The following ERAP1 variants were observed in gnomAD, a reference collection of about 807,000 sequenced individuals.
The protein encoded by ERAP1 is adipocyte-derived leucine aminopeptidase.
In ERAP1, 86 loss-of-function variants were observed where a neutral mutation model predicts 103.7. The observed-to-expected ratio is 0.83, with a 90% CI of 0.70 to 0.99. ERAP1 has a LOEUF of 0.99. Among genes scored for constraint, ERAP1 ranks in the 50% least tolerant of loss-of-function variants. ERAP1 has a pLI of 0.00. For missense variants in ERAP1, 1,009 were observed against 1,128.4 expected (o/e 0.89, Z 1.52); for synonymous variants, 398 against 402.4 (o/e 0.99, Z 0.13).
the ERAP1 span, among the ~76,000 whole-genome samples, chr5:96,813,105 T>C: frequency 6.6e-6 from 1 of 152,228 alleles, no homozygotes; most frequent in South Asian, 2.1e-4. Context: ...GCTACCCTGG[T>C]GCTTAGGAAT....
At chr5:96,863,124 C>T in the ERAP1 span, among the ~76,000 whole-genome samples, 9 of 151,942 alleles carry the variant, frequency 5.9e-5, no homozygotes, top group African/African-American at 2.2e-4. Context: ...TCTCTAAATC[C>T]ACCACTGTGC....
At chr5:96,782,565 G>A (rs1166692296) in intron 15 of ERAP1, among the ~76,000 whole-genome samples, 2 of 152,204 alleles carry the variant, frequency 1.3e-5, no homozygotes, top group Non-Finnish European at 2.9e-5. Flanking sequence ...CATGTAGGTT[G>A]TTGGCATAAA....
the ERAP1 span, among the ~76,000 whole-genome samples, chr5:96,847,202 C>A: frequency 1.5e-4 from 22 of 142,628 alleles, 1 homozygote; most frequent in African/African-American, 5.7e-4. Context: ...GAGCTGAGAT[C>A]ATGCCATTGC....
intron 16 of ERAP1, 146 bp downstream of exon 16, chr5:96,781,547 C>T: frequency 9.5e-7 from 1 of 1,047,316 alleles, no homozygotes; most frequent in Non-Finnish European, 1.5e-6. Context: ...AATTATTTGC[C>T]TTTCTCATTA....
At position 96,766,073 on chromosome 5, in the gene ERAP1, T is replaced by C. The variant is rs758406564; in HGVS notation, c.2819-2845A>G. On this transcript the variant is annotated intron_variant, in intron 19 of 19. Transcript: ENST00000296754. The stretch of plus-strand genomic sequence containing the variant: ...TATAGGAAAAAGCTAAAGCTGAACA[T>C]AGAGACAAGCTTGGAGAAAGAGATG... 1.5e-5 allele frequency: 24 copies of C among 1,606,064 alleles called. No homozygotes were observed. The highest frequency in any genetic ancestry group is 2.7e-5 in the African/African-American group (2 of 74,714).
chr5:96,766,620 A>G (rs1227835946), intron 19 of ERAP1, among the ~76,000 whole-genome samples: 1 of 152,164 alleles, frequency 6.6e-6, no homozygotes, highest in African/African-American at 2.4e-5. Flanking sequence ...AGGCAAAGCA[A>G]TATTCCCAAT....
At chr5:96,850,384 C>T in the ERAP1 span, among the ~76,000 whole-genome samples, 6 of 152,170 alleles carry the variant, frequency 3.9e-5, no homozygotes, top group African/African-American at 1.4e-4. Context: ...AATCAAGCTG[C>T]TCAATAATAA....
At chr5:96,887,100 T>TATATACACAC in the ERAP1 span, among the ~76,000 whole-genome samples, 2 of 137,456 alleles carry the variant, frequency 1.5e-5, no homozygotes, top group Admixed American at 7.2e-5. Context: ...TATATATATA[T>TATATACACAC]ACACACACAC....
At chr5:96,888,000 C>T in the ERAP1 span, among the ~76,000 whole-genome samples, 1 of 152,034 alleles carries the variant, frequency 6.6e-6, no homozygotes, top group Admixed American at 6.5e-5. Context: ...TGTCAGGCAC[C>T]TGTAATCCCA....
chr5:96,851,664 A>T, the ERAP1 span, among the ~76,000 whole-genome samples: 1 of 152,194 alleles, frequency 6.6e-6, no homozygotes, highest in Admixed American at 6.5e-5. Flanking sequence ...AATCCAAGAC[A>T]GGGAAAACAG....
chr5:96,768,563 T>G (rs1214359309), intron 19 of ERAP1: 1 of 343,730 alleles, frequency 2.9e-6, no homozygotes, highest in Non-Finnish European at 5.6e-6. Flanking sequence ...AAAACACTGC[T>G]TAACGTTATT....
upstream of ERAP1, among the ~76,000 whole-genome samples, chr5:96,811,983 T>TA (rs1779181954): frequency 6.6e-6 from 1 of 152,232 alleles, no homozygotes; most frequent in South Asian, 2.1e-4. Context: ...TGTATTCCTG[T>TA]TGCTTTTACC....
chr5:96,892,562 G>A, the ERAP1 span: 2 of 1,288,122 alleles, frequency 1.6e-6, no homozygotes, highest in South Asian at 1.4e-5. Flanking sequence ...CTCTAGAGGG[G>A]AACTTAGAGA....
the ERAP1 span, among the ~76,000 whole-genome samples, chr5:96,824,525 C>A: frequency 6.6e-6 from 1 of 152,292 alleles, no homozygotes; most frequent in Non-Finnish European, 1.5e-5. Flanking sequence ...TCTCCTATCT[C>A]TTTTCTCTTT....
At chr5:96,768,502 CT>C (rs553007301) in intron 19 of ERAP1, 40 of 405,816 alleles carry the variant, frequency 9.9e-5, no homozygotes, top group South Asian at 2.0e-4. Context: ...TGTGGATTTC[CT>C]TTTTTTTCTA....
At chr5:96,905,292 AT>A in the ERAP1 span, among the ~76,000 whole-genome samples, 1 of 152,220 alleles carries the variant, frequency 6.6e-6, no homozygotes, top group Admixed American at 6.5e-5. Context: ...AATGAAAAAA[AT>A]AAGTGCGAAG....
At chr5:96,921,624 T>TA in the ERAP1 span, among the ~76,000 whole-genome samples, 1 of 152,328 alleles carries the variant, frequency 6.6e-6, no homozygotes, top group South Asian at 2.1e-4. Context: ...TTTACAAATG[T>TA]ATTCTTCTTT....
intron 19 of ERAP1, chr5:96,768,529 T>C (rs1770902367): frequency 5.3e-6 from 2 of 373,926 alleles, no homozygotes; most frequent in East Asian, 1.5e-4. Flanking sequence ...ATATTTTACA[T>C]AATTATACTT....
chr5:96,896,965 T>TAAGTCATATGTTGGTTAACGATAGACTG, the ERAP1 span: 2 of 987,682 alleles, frequency 2.0e-6, no homozygotes, highest in Non-Finnish European at 2.8e-6. Context: ...GTCAACCATA[T>TAAGTCATATGTTGGTTAACGATAGACTG]TTATTCTGCT....
Sources: allele counts gnomAD v4.1 joint callset (sites outside exome capture counted in the v4.1 genomes callset), GRCh38; gene constraint gnomAD v4.1.1; transcripts MANE v1.5; gene names NCBI Gene and HGNC (gene_info 2026-07-23, HGNC 2026-07-21).